The following WNK2 variants were observed in gnomAD, a reference collection of about 807,000 sequenced individuals.
WNK2 encodes the protein WNK lysine deficient protein kinase 2.
WNK2 carries 67 observed loss-of-function variants against 192.1 expected under a neutral mutation model. The observed-to-expected ratio is 0.35, with a 90% CI of 0.29 to 0.43. The LOEUF is 0.43. Among genes scored for constraint, WNK2 ranks in the 20% least tolerant of loss-of-function variants. The pLI, the probability that WNK2 is intolerant of heterozygous loss-of-function variation, is 1.00. For missense variants in WNK2, 2,698 were observed against 3,089.7 expected (o/e 0.87, Z 3.01); for synonymous variants, 1,439 against 1,393.9 (o/e 1.03, Z -0.72).
At chr9:93,264,144 T>C in intron 16 of WNK2, 111 bp downstream of exon 16, 1 of 829,498 alleles carries the variant, frequency 1.2e-6, no homozygotes, top group Non-Finnish European at 2.0e-6. Flanking sequence ...AGGTGTCGGT[T>C]GGCCCAGGGG....
intron 2 of WNK2, among the ~76,000 whole-genome samples, chr9:93,224,816 G>A (rs368461335): frequency 6.2e-4 from 95 of 152,272 alleles, no homozygotes; most frequent in African/African-American, 2.1e-3. Flanking sequence ...GGAGGCCCCC[G>A]CCTCTGACTC....
At chr9:93,199,679 A>C (rs1180123882) in intron 2 of WNK2, among the ~76,000 whole-genome samples, 1 of 152,140 alleles carries the variant, frequency 6.6e-6, no homozygotes, top group African/African-American at 2.4e-5. Context: ...CGGGTGGATC[A>C]CGAGGTCAGG....
intron 23 of WNK2, among the ~76,000 whole-genome samples, chr9:93,294,536 A>G (rs1849932706): frequency 6.6e-6 from 1 of 152,190 alleles, no homozygotes; most frequent in African/African-American, 2.4e-5. Context: ...GCCAGTGGTC[A>G]GGGTCAGCAG....
intron 28 of WNK2, among the ~76,000 whole-genome samples, chr9:93,310,822 G>C (rs575816703): frequency 6.6e-6 from 1 of 152,314 alleles, no homozygotes; most frequent in Admixed American, 6.5e-5. Flanking sequence ...AAATCAGCCA[G>C]GCGTGGTTGC....
At chr9:93,277,517 A>G (rs1847113946) in intron 19 of WNK2, among the ~76,000 whole-genome samples, 1 of 152,218 alleles carries the variant, frequency 6.6e-6, no homozygotes, top group Admixed American at 6.5e-5. Flanking sequence ...AAAAAGAAAT[A>G]TATCATTGGT....
chr9:93,232,547 G>A, intron 4 of WNK2, among the ~76,000 whole-genome samples: 1 of 152,214 alleles, frequency 6.6e-6, no homozygotes, highest in East Asian at 1.9e-4. Flanking sequence ...CAGTCAGGTG[G>A]CAGGAGGGAG....
At chr9:93,287,105 T>C (rs890043950) in intron 19 of WNK2, among the ~76,000 whole-genome samples, 1 of 152,192 alleles carries the variant, frequency 6.6e-6, no homozygotes, top group Non-Finnish European at 1.5e-5. Flanking sequence ...GTGCCTATAG[T>C]TAACAATAGA....
At chr9:93,190,408 G>A (rs1416009990) in intron 2 of WNK2, among the ~76,000 whole-genome samples, 1 of 152,236 alleles carries the variant, frequency 6.6e-6, no homozygotes, top group East Asian at 1.9e-4. Flanking sequence ...CCGTGTGGGC[G>A]CCTGGCTGAG....
chr9:93,299,002 A>G (rs893602219), intron 24 of WNK2, 68 bp from the exon 25 acceptor site: 4 of 1,496,860 alleles, frequency 2.7e-6, no homozygotes, highest in African/African-American at 2.8e-5. Context: ...GGCAGAACAG[A>G]CTCAATCCAC....
At chr9:93,252,857 C>G in intron 8 of WNK2, 26 bp from the exon 9 acceptor site, 2 of 1,390,758 alleles carry the variant, frequency 1.4e-6, no homozygotes, top group South Asian at 1.7e-5. Context: ...GATGTCCACT[C>G]TAAGTCCTGC....
chr9:93,258,834 C>T (rs1391416562), intron 11 of WNK2, 97 bp from the exon 12 acceptor site: 2 of 1,095,806 alleles, frequency 1.8e-6, no homozygotes, highest in Non-Finnish European at 2.7e-6. Context: ...TCCCGTGTCC[C>T]CTCGTCCCCA....
chr9:93,197,834 C>T (rs970166211), intron 2 of WNK2, among the ~76,000 whole-genome samples: 7 of 152,090 alleles, frequency 4.6e-5, no homozygotes, highest in Non-Finnish European at 8.8e-5. Flanking sequence ...TGTGGTGTTT[C>T]TGTACGACCG....
intron 2 of WNK2, among the ~76,000 whole-genome samples, chr9:93,219,940 G>T (rs574344375): frequency 6.6e-6 from 1 of 152,224 alleles, no homozygotes; most frequent in African/African-American, 2.4e-5. Flanking sequence ...CCTGCTTAGC[G>T]CCGGGCTCCT....
chr9:93,294,092 G>A (rs1849835572), intron 23 of WNK2, among the ~76,000 whole-genome samples: 1 of 152,204 alleles, frequency 6.6e-6, no homozygotes, highest in Admixed American at 6.5e-5. Context: ...AAATTCACCA[G>A]TGCCTGAAGG....
intron 19 of WNK2, among the ~76,000 whole-genome samples, chr9:93,271,267 C>T (rs1845970247): frequency 1.3e-5 from 2 of 152,168 alleles, no homozygotes; most frequent in South Asian, 4.1e-4. Context: ...GGTTGATTGC[C>T]TACTGAAGCA....
chr9:93,202,886 G>T (rs1225011138), intron 2 of WNK2, among the ~76,000 whole-genome samples: 1 of 152,142 alleles, frequency 6.6e-6, no homozygotes, highest in Admixed American at 6.5e-5. Context: ...CTTTGTGGGG[G>T]TGGGGGTTCT....
At chr9:93,238,095 G>A in intron 5 of WNK2, 138 bp from the exon 6 acceptor site, 1 of 703,492 alleles carries the variant, frequency 1.4e-6, no homozygotes, top group South Asian at 1.8e-5. Flanking sequence ...ATTTTGCCCA[G>A]TTTTCTAGTA....
At chr9:93,310,050 G>A (rs1564233264) in intron 28 of WNK2, among the ~76,000 whole-genome samples, 1 of 152,168 alleles carries the variant, frequency 6.6e-6, no homozygotes, top group Non-Finnish European at 1.5e-5. Context: ...GATCTTCCAG[G>A]ACTGGCTCTT....
intron 25 of WNK2, 111 bp downstream of exon 25, chr9:93,299,372 C>G: frequency 1.8e-6 from 2 of 1,122,234 alleles, no homozygotes; most frequent in South Asian, 2.1e-5. Flanking sequence ...GTGGCAAAGG[C>G]TGTTGAGAGG....
Sources: gnomAD v4.1 joint callset for allele counts (sites outside exome capture counted in the v4.1 genomes callset) on GRCh38, gnomAD v4.1.1 for gene constraint, MANE v1.5 for transcripts, NCBI Gene and HGNC (gene_info 2026-07-23, HGNC 2026-07-21) for gene names.